The following ATG4A variants were observed in gnomAD, a reference collection of about 807,000 sequenced individuals.
ATG4A encodes cysteine protease ATG4A.
ATG4A carries 22 observed loss-of-function variants against 38.4 expected under a neutral mutation model. The ratio of observed to expected loss-of-function variants is 0.57; its 90% confidence interval spans 0.41 to 0.82. The LOEUF (loss-of-function observed/expected upper bound fraction) is 0.82. Among genes scored for constraint, ATG4A ranks in the 40% least tolerant of loss-of-function variants. ATG4A has a pLI of 0.00. For synonymous variants in ATG4A, 86 were observed against 100.7 expected (o/e 0.85, Z 0.88); for missense variants, 220 against 290.0 (o/e 0.76, Z 1.75).
At chrX:108,132,772 G>T (rs2032995034) in intron 4 of ATG4A, among the ~76,000 whole-genome samples, 1 of 102,467 alleles carries the variant, frequency 9.8e-6, no homozygotes, top group Non-Finnish European at 2.0e-5. Flanking sequence ...TTTTGGAAGT[G>T]AGTTCTGGAA....
chrX:108,117,596 T>C (rs2032543781), intron 1 of ATG4A, among the ~76,000 whole-genome samples: 1 of 111,498 alleles, frequency 9.0e-6, no homozygotes, highest in East Asian at 2.8e-4. Flanking sequence ...AACTGGAAAT[T>C]TACGAAGTGG....
intron 1 of ATG4A, 123 bp downstream of exon 1, chrX:108,091,959 G>T: frequency 2.7e-6 from 3 of 1,097,628 alleles, no homozygotes; most frequent in South Asian, 2.0e-5. Flanking sequence ...AGAGCCTAAA[G>T]GTCCTGTCCC....
At chrX:108,091,281 G>T, upstream of ATG4A, 1 of 608,193 alleles carries the variant, frequency 1.6e-6, no homozygotes, top group Non-Finnish European at 2.7e-6. Context: ...CAGGGGGACT[G>T]CTTGGGGCGG....
intron 1 of ATG4A, among the ~76,000 whole-genome samples, chrX:108,095,711 CTTT>C (rs556952760): frequency 6.1e-5 from 5 of 82,347 alleles, no homozygotes; most frequent in Admixed American, 1.2e-4. Flanking sequence ...TCTTTTCTTT[CTTT>C]TTTTTTTTTT....
intron 1 of ATG4A, among the ~76,000 whole-genome samples, chrX:108,100,083 A>G (rs921056166): frequency 1.8e-5 from 2 of 111,706 alleles, no homozygotes; most frequent in African/African-American, 3.2e-5. Context: ...CTTCCAATCC[A>G]TGAGCACCAT....
chrX:108,144,828 C>G (rs2033384888), intron 9 of ATG4A, among the ~76,000 whole-genome samples: 1 of 112,336 alleles, frequency 8.9e-6, no homozygotes, highest in Non-Finnish European at 1.9e-5. Flanking sequence ...TGACTATAGT[C>G]TATGAATTAG....
At chrX:108,141,071 CATATATATATATATAT>C (rs139918190) in intron 9 of ATG4A, among the ~76,000 whole-genome samples, 10 of 35,049 alleles carry the variant, frequency 2.9e-4, no homozygotes, top group East Asian at 8.4e-4. Flanking sequence ...TATATATATA[CATATATATATATATAT>C]ATATATATAT....
Position 108,137,808 on chromosome X carries a change from A to G in ATG4A, c.552A>G (p.Lys184=), listed in dbSNP as rs2033144317. ...ATTCTGTTCTTCCATTTCTAGAAAA[A>G]ATGTGCCGTGTCCTTCCCTTGAGTG... The part of the protein sequence containing the change: ...DNTVVIEDIK[K]MCRVLPLSAD... The change falls in exon 8 of 13, where the codon AAA becomes AAG. Residue 184 remains lysine (K), a synonymous_variant. Transcript: ENST00000372232. 4 of 1,151,913 alleles carry G rather than the reference A, an allele frequency of 3.5e-6. No individual in the cohort carries two copies. The African/African-American group carries it at 7.2e-5, about 21-fold the overall frequency. 94.9% of individuals were successfully genotyped at this position (1,151,913 alleles called of 1,213,427 possible). A position where few individuals can be genotyped will look rare whatever the true frequency, so the allele number is the denominator to read the frequency against.
chrX:108,137,604 G>A (rs2033140098), intron 7 of ATG4A, among the ~76,000 whole-genome samples, 200 bp from the exon 8 acceptor site: 1 of 111,549 alleles, frequency 9.0e-6, no homozygotes, highest in Admixed American at 9.5e-5. Context: ...AGTACCCAGT[G>A]GCCAGAATGA....
At chrX:108,138,082 G>A in intron 8 of ATG4A, 31 bp from the exon 9 acceptor site, 1 of 1,203,987 alleles carries the variant, frequency 8.3e-7, no homozygotes, top group Non-Finnish European at 1.1e-6. Flanking sequence ...CCACAAGTGA[G>A]TTGAGAATCT....
At position 108,124,983 on chromosome X, in the gene ATG4A, A is replaced by G. The variant is rs552534769; in HGVS notation, c.11-1094A>G. ...GGAGCCCCCATGAGTTGAGAGGTGT[A>G]TGTTGAATATCTTAGCTTTGAACTT... On this transcript the variant is annotated intron_variant, in intron 1 of 12. Coordinates refer to ENST00000372232, the MANE Select transcript of ATG4A (RefSeq NM_052936.5). 6.3e-5 allele frequency among the ~76,000 whole-genome samples: 7 copies of G among 111,643 alleles called. No individual in the cohort carries two copies. In the East Asian group the frequency reaches 1.1e-3, roughly 18 times the overall value.
intron 10 of ATG4A, among the ~76,000 whole-genome samples, chrX:108,151,556 C>T (rs959308551): frequency 8.1e-5 from 9 of 111,754 alleles, no homozygotes; most frequent in Non-Finnish European, 1.3e-4. Context: ...TAAAATATCT[C>T]GCAGCATGAG....
At chrX:108,093,312 T>C (rs1372061522) in intron 1 of ATG4A, among the ~76,000 whole-genome samples, 1 of 112,557 alleles carries the variant, frequency 8.9e-6, no homozygotes, top group Non-Finnish European at 1.9e-5. Flanking sequence ...AATGAAATCA[T>C]ACAATATGCA....
intron 10 of ATG4A, among the ~76,000 whole-genome samples, chrX:108,150,503 T>C (rs2033559600): frequency 8.9e-6 from 1 of 112,744 alleles, no homozygotes; most frequent in African/African-American, 3.2e-5. Context: ...CTAACTGTAT[T>C]AGTCTGTTCT....
intron 1 of ATG4A, among the ~76,000 whole-genome samples, chrX:108,114,976 C>G (rs1157725652): frequency 1.8e-5 from 2 of 111,241 alleles, no homozygotes; most frequent in African/African-American, 3.3e-5. Flanking sequence ...AATTTGTAGT[C>G]AAAGCAAGTC....
intron 11 of ATG4A, 67 bp downstream of exon 11, chrX:108,151,925 T>G: frequency 1.0e-6 from 1 of 1,003,233 alleles, no homozygotes; most frequent in Non-Finnish European, 1.4e-6. Context: ...TTCAAGATTG[T>G]TTTTCATAGT....
intron 1 of ATG4A, among the ~76,000 whole-genome samples, chrX:108,113,786 A>G (rs1300868021): frequency 9.0e-6 from 1 of 111,508 alleles, no homozygotes; most frequent in Non-Finnish European, 1.9e-5. Flanking sequence ...CACTATCACG[A>G]GAATAGCACG....
At chrX:108,092,075 C>T (rs2031650319) in intron 1 of ATG4A, among the ~76,000 whole-genome samples, 1 of 110,850 alleles carries the variant, frequency 9.0e-6, no homozygotes, top group Non-Finnish European at 1.9e-5. Context: ...CCCTCCCTGC[C>T]ACCGCCTAGG....
chrX:108,150,260 G>A lies in ATG4A; in HGVS notation c.923G>A (p.Arg308Gln), dbSNP rs145654422. 7.8e-5 allele frequency: 94 copies of A among 1,210,722 alleles called. No individual in the cohort carries two copies. The highest frequency in any genetic ancestry group is 3.3e-4 in the East Asian group (11 of 33,794). ...TTCCATTGCCTGCAGTCCCCACAGC[G>A]AATGAACATCCTAAACCTGGATCCT... ...QTFHCLQSPQRMNILNLDPSV... is the reference protein window; with the variant it reads ...QTFHCLQSPQQMNILNLDPSV... Residue 308 changes from arginine (R) to glutamine (Q), a missense_variant, in exon 10 of 13, where the codon CGA (arginine) becomes CAA (glutamine). Arg to Gln is a conservative substitution (Grantham distance 43). Coordinates refer to ENST00000372232, the MANE Select transcript of ATG4A (RefSeq NM_052936.5).
Sources: allele counts gnomAD v4.1 joint callset (sites outside exome capture counted in the v4.1 genomes callset), GRCh38; gene constraint gnomAD v4.1.1; transcripts MANE v1.5; gene names NCBI Gene and HGNC (gene_info 2026-07-23, HGNC 2026-07-21).